The following SLC1A1 variants were observed in gnomAD, a reference collection of about 807,000 sequenced individuals.
The protein encoded by SLC1A1 is excitatory amino acid transporter 3.
In SLC1A1, 43 loss-of-function variants were observed where a neutral mutation model predicts 53.3. That is an observed-to-expected ratio of 0.81 (90% CI 0.63 to 1.04). The LOEUF (loss-of-function observed/expected upper bound fraction) is 1.04. Ranked by LOEUF, SLC1A1 falls within the 50% of genes least tolerant of loss-of-function variation. SLC1A1 has a pLI of 0.00. For synonymous variants in SLC1A1, 307 were observed against 243.2 expected, an observed-to-expected ratio of 1.26 and a Z score of -2.44; for missense variants, 748 against 664.9, an observed-to-expected ratio of 1.12 and a Z score of -1.37.
rs368192581 is a variant in SLC1A1, at chr9:4,490,727, G to T, written c.48G>T (p.Lys16Asn). 7.4e-6 allele frequency: 12 copies of T among 1,612,858 alleles called. No individual in the cohort carries two copies. Among genetic ancestry groups the T allele is most frequent in the African/African-American group, 1.3e-5 (1 of 74,862 alleles). ...RKGCEWKRFL[K>N]NNWVLLSTVA... ...GATGCGAGTGGAAGCGCTTCCTGAA[G>T]AATAACTGGGTGTTGCTGTCCACCG... The change falls in exon 1 of 12, where the codon AAG (lysine) becomes AAT (asparagine). Residue 16 changes from lysine (K) to asparagine (N), a missense_variant. Transcript: ENST00000262352.
At chr9:4,553,166 G>A (rs1292650460) in intron 2 of SLC1A1, among the ~76,000 whole-genome samples, 1 of 152,086 alleles carries the variant, frequency 6.6e-6, no homozygotes, top group Non-Finnish European at 1.5e-5. Flanking sequence ...ATGGACTTTG[G>A]AAAAGAACAG....
Position 4,585,465 on chromosome 9 carries a change from C to A in SLC1A1, c.1482C>A (p.Asn494Lys). ...CCTTGGAATCCACAATCCTTGACAA[C>A]GAAGACTCAGACACCAAGAAGTCTT... is the stretch of plus-strand genomic sequence containing the variant. ...PFALESTILD[N>K]EDSDTKKSYV... Residue 494 changes from asparagine (N) to lysine (K), a missense_variant, in exon 12 of 12, where the codon AAC becomes AAA. Transcript: ENST00000262352. The A allele has an allele frequency of 6.2e-7, 1 of 1,614,122 alleles. No homozygotes were observed. The highest frequency in any genetic ancestry group is 1.1e-5 in the South Asian group (1 of 91,074).
chr9:4,507,967 G>A (rs1166312243), intron 1 of SLC1A1, among the ~76,000 whole-genome samples: 1 of 152,102 alleles, frequency 6.6e-6, no homozygotes, highest in Non-Finnish European at 1.5e-5. Flanking sequence ...TCTGGGACAC[G>A]TGATGTTAGT....
intron 1 of SLC1A1, among the ~76,000 whole-genome samples, chr9:4,525,521 G>A (rs919888145): frequency 6.6e-6 from 1 of 152,092 alleles, no homozygotes; most frequent in East Asian, 1.9e-4. Flanking sequence ...AAAAGACCCA[G>A]TAGGAGAATA....
intron 1 of SLC1A1, among the ~76,000 whole-genome samples, chr9:4,521,979 C>T (rs1420874148): frequency 4.6e-5 from 7 of 151,454 alleles, no homozygotes; most frequent in Non-Finnish European, 1.0e-4. Context: ...TATGGATGCC[C>T]TTGCTAGGCC....
In SLC1A1 at chr9:4,583,714, G is replaced by A. The variant is rs1178929329; in HGVS notation, c.1328+542G>A. Among the ~76,000 whole-genome samples the A allele has an allele frequency of 6.6e-6, 1 of 152,170 alleles. No homozygotes were observed. On this transcript the variant is annotated intron_variant, in intron 11 of 11. Transcript: ENST00000262352. This position sits in a 1 kb window ranked among gnomAD's most constrained non-coding sequence, Gnocchi z 4.6. Reference sequence around the variant, plus strand: ...GGAAAAAATCTGCCTATGTCATTGGGTTGTTTTAAGGACTGAGTGAGCTCA... The same window carrying A: ...GGAAAAAATCTGCCTATGTCATTGGATTGTTTTAAGGACTGAGTGAGCTCA...
chr9:4,569,790 A>C (rs891416570), intron 6 of SLC1A1, among the ~76,000 whole-genome samples: 5 of 152,072 alleles, frequency 3.3e-5, no homozygotes, highest in Non-Finnish European at 7.4e-5. Flanking sequence ...CACCTCCTCC[A>C]TCACTCCTTA....
At position 4,552,324 on chromosome 9, in the gene SLC1A1, T is replaced by G. The variant is rs934331389; in HGVS notation, c.232+7617T>G. On this transcript the variant is annotated intron_variant, in intron 2 of 11. Coordinates refer to ENST00000262352, the MANE Select transcript of SLC1A1 (RefSeq NM_004170.6). ...AAGCACTTTCTGGGAATGAGGTCAG[T>G]GCAGGGGACATTGGAAGGAGCCATT... 5.3e-5 allele frequency among the ~76,000 whole-genome samples: 8 copies of G among 152,272 alleles called. No individual in the cohort carries two copies. The East Asian group carries it at 1.2e-3, about 22-fold the overall frequency.
At chr9:4,501,598 C>G (rs932433236) in intron 1 of SLC1A1, among the ~76,000 whole-genome samples, 10 of 151,516 alleles carry the variant, frequency 6.6e-5, no homozygotes, top group Admixed American at 6.6e-4. Flanking sequence ...AACCCCATCT[C>G]TACTAAAAAT....
chr9:4,581,447 T>C (rs1004432758), intron 10 of SLC1A1, among the ~76,000 whole-genome samples: 1 of 152,222 alleles, frequency 6.6e-6, no homozygotes, highest in Non-Finnish European at 1.5e-5. Flanking sequence ...AGCAGTAGTC[T>C]GGTAAGCAAG....
intron 6 of SLC1A1, among the ~76,000 whole-genome samples, chr9:4,571,485 G>A (rs1456506768): frequency 6.6e-6 from 1 of 152,140 alleles, no homozygotes; most frequent in African/African-American, 2.4e-5. Flanking sequence ...AGACCACCCT[G>A]GCCAACACGG....
At chr9:4,547,598 C>A (rs914309136) in intron 2 of SLC1A1, among the ~76,000 whole-genome samples, 6 of 152,178 alleles carry the variant, frequency 3.9e-5, no homozygotes, top group African/African-American at 1.2e-4. Context: ...AACAAACTTT[C>A]TGGAGAACAG....
rs535193246 is a variant in SLC1A1, at chr9:4,505,139, C to A, written c.91+14369C>A. On this transcript the variant is annotated intron_variant, in intron 1 of 11. Transcript: ENST00000262352. ...TTGGCTCACTGCAACCTCCGCCTCC[C>A]AGGTTCAAGCGATTCTCCTGCCTCA... Among the ~76,000 whole-genome samples, 151 of 150,572 alleles carry A rather than the reference C, an allele frequency of 1.0e-3. 1 individual carries two copies. The highest frequency in any genetic ancestry group is 3.2e-3 in the African/African-American group (131 of 40,926).
chr9:4,499,137 C>T lies in SLC1A1; in HGVS notation c.91+8367C>T, dbSNP rs1380787975. ...TTGGCTCACTGCAACCCCTGCCTCC[C>T]AGGTTCAAGCGATTCTTCTGCCTTA... On this transcript the variant is annotated intron_variant, in intron 1 of 11. Coordinates refer to ENST00000262352, the MANE Select transcript of SLC1A1 (RefSeq NM_004170.6). Among the ~76,000 whole-genome samples the T allele has an allele frequency of 2.6e-5, 4 of 150,976 alleles. No homozygotes were observed. In the South Asian group the frequency reaches 8.4e-4, roughly 32 times the overall value.
chr9:4,496,940 G>A (rs2130793044), intron 1 of SLC1A1, among the ~76,000 whole-genome samples: 1 of 152,164 alleles, frequency 6.6e-6, no homozygotes, highest in South Asian at 2.1e-4. Flanking sequence ...AGAAAATAAT[G>A]AATGCTGTTG....
At chr9:4,551,764 G>A (rs1218964194) in intron 2 of SLC1A1, among the ~76,000 whole-genome samples, 1 of 152,166 alleles carries the variant, frequency 6.6e-6, no homozygotes. Context: ...TGCAACATCT[G>A]GAACCAGTGG....
intron 1 of SLC1A1, among the ~76,000 whole-genome samples, chr9:4,512,134 C>T (rs1338694877): frequency 6.6e-6 from 1 of 152,096 alleles, no homozygotes; most frequent in Non-Finnish European, 1.5e-5. Context: ...GTCAGTTCTC[C>T]CATAATTGAT....
At chr9:4,524,764 G>C (rs1462134265) in intron 1 of SLC1A1, among the ~76,000 whole-genome samples, 1 of 152,018 alleles carries the variant, frequency 6.6e-6, no homozygotes, top group Non-Finnish European at 1.5e-5. Flanking sequence ...AGATCAAAGG[G>C]GAAGCAGATC....
At chr9:4,491,718 C>T (rs1820243084) in intron 1 of SLC1A1, among the ~76,000 whole-genome samples, 1 of 152,202 alleles carries the variant, frequency 6.6e-6, no homozygotes, top group South Asian at 2.1e-4. Flanking sequence ...GTGATAGCTC[C>T]TCAGCAGGTG....
Sources: gnomAD v4.1 joint callset for allele counts (sites outside exome capture counted in the v4.1 genomes callset) on GRCh38, gnomAD v4.1.1 for gene constraint, Gnocchi (gnomAD v3.1) non-coding constraint, MANE v1.5 for transcripts, NCBI Gene and HGNC (gene_info 2026-07-23, HGNC 2026-07-21) for gene names.